Variants in FBLN2 observed in about 807,000 individuals in gnomAD.
The protein encoded by FBLN2 is fibulin-2.
Under a neutral mutation model 123.7 loss-of-function variants are expected in FBLN2, and 81 were observed. That is an observed-to-expected ratio of 0.65 (90% CI 0.55 to 0.79). FBLN2 has a LOEUF of 0.79. Among genes scored for constraint, FBLN2 ranks in the 30% least tolerant of loss-of-function variants. The probability of loss-of-function intolerance (pLI) is 0.00; values close to 1 mark genes in which losing one functional copy is unlikely to be tolerated. For missense variants in FBLN2, 1,603 were observed against 1,681.3 expected (o/e 0.95, Z 0.81); for synonymous variants, 699 against 701.4 (o/e 1.00, Z 0.05).
chr3:13,638,240 C>G lies in FBLN2; in HGVS notation c.*321C>G. 1 of 569,394 alleles carries G rather than the reference C, an allele frequency of 1.8e-6. No individual in the cohort carries two copies. Among genetic ancestry groups the G allele is most frequent in the Non-Finnish European group, 3.2e-6 (1 of 312,126 alleles). The allele number at this position is 569,394 out of a possible 1,614,324, so 35.3% of individuals were successfully genotyped here. A position where few individuals can be genotyped will look rare whatever the true frequency, so the allele number is the denominator to read the frequency against. On this transcript the variant is annotated 3_prime_UTR_variant, in exon 18 of 18. Coordinates refer to ENST00000404922, the MANE Select transcript of FBLN2 (RefSeq NM_001004019.2). The stretch of plus-strand genomic sequence containing the variant: ...GGGGCTCTTGGACTCCTCTGGATGA[C>G]CCGTCCCCAAAGTTGACATTCCATT...
At chr3:13,598,794 T>G (rs1184059628) in intron 2 of FBLN2, among the ~76,000 whole-genome samples, 1 of 152,168 alleles carries the variant, frequency 6.6e-6, no homozygotes, top group Non-Finnish European at 1.5e-5. Context: ...TGGGACAGCC[T>G]GCCACCCGAC....
intron 1 of FBLN2, among the ~76,000 whole-genome samples, chr3:13,556,735 A>T (rs1442464401): frequency 6.6e-6 from 1 of 152,172 alleles, no homozygotes; most frequent in East Asian, 1.9e-4. Context: ...TCAGCACATG[A>T]CACTGTAGCC....
intron 2 of FBLN2, among the ~76,000 whole-genome samples, chr3:13,607,495 T>C (rs1259501489): frequency 6.6e-6 from 1 of 152,146 alleles, no homozygotes; most frequent in African/African-American, 2.4e-5. Flanking sequence ...AAGAAACTGC[T>C]GTGTTGTTCC....
intron 1 of FBLN2, among the ~76,000 whole-genome samples, chr3:13,553,640 A>G (rs950984569): frequency 1.3e-5 from 2 of 152,156 alleles, no homozygotes; most frequent in African/African-American, 4.8e-5. Flanking sequence ...CTCTCCCCTC[A>G]TATATGGAGA....
At chr3:13,579,513 T>C (rs1158404504) in intron 2 of FBLN2, among the ~76,000 whole-genome samples, 1 of 152,246 alleles carries the variant, frequency 6.6e-6, no homozygotes, top group Non-Finnish European at 1.5e-5. Flanking sequence ...AGCATGTAGG[T>C]GCGTGCACGT....
chr3:13,636,430 C>T lies in FBLN2; in HGVS notation c.3215-15C>T, dbSNP rs1464428052. 3.1e-6 allele frequency: 5 copies of T among 1,612,748 alleles called. No homozygotes were observed. The highest frequency in any genetic ancestry group is 4.2e-6 in the Non-Finnish European group (5 of 1,179,348). ...CAGCTGTGGGGACCCTGCCATTGCCCCTCTTCTCCCCCAGACGTGGATGAG... is the reference window on the plus strand; with the variant it reads ...CAGCTGTGGGGACCCTGCCATTGCCTCTCTTCTCCCCCAGACGTGGATGAG... On this transcript the variant is annotated splice_polypyrimidine_tract_variant and intron_variant, in intron 16 of 17. Coordinates refer to ENST00000404922, the MANE Select transcript of FBLN2 (RefSeq NM_001004019.2).
Position 13,627,822 on chromosome 3 carries a change from TCC to T in FBLN2, c.2432-9_2432-8del. 1 of 1,610,852 alleles carries T rather than the reference TCC, an allele frequency of 6.2e-7. No homozygotes were observed. The highest frequency in any genetic ancestry group is 8.5e-7 in the Non-Finnish European group (1 of 1,178,398). The stretch of plus-strand genomic sequence containing the variant: ...CCCCCAGCCCTTGACACCCAGCCTC[TCC>T]GCTGCAGACGTGGATGAGTGTGCGA... On this transcript the variant is annotated splice_polypyrimidine_tract_variant and splice_region_variant and intron_variant, in intron 10 of 17. Transcript: ENST00000404922.
chr3:13,619,061 A>T (rs1017080382), intron 7 of FBLN2, 44 bp downstream of exon 7: 1 of 1,486,734 alleles, frequency 6.7e-7, no homozygotes, highest in Non-Finnish European at 9.2e-7. Flanking sequence ...CCCAGGGTCC[A>T]GGGGGTGGGT....
intron 1 of FBLN2, among the ~76,000 whole-genome samples, chr3:13,555,717 G>A (rs1010023970): frequency 6.6e-6 from 1 of 152,240 alleles, no homozygotes; most frequent in Non-Finnish European, 1.5e-5. Flanking sequence ...GCCTCTCAAA[G>A]TGCTGGGATT....
At chr3:13,611,822 G>T (rs953004539) in intron 4 of FBLN2, among the ~76,000 whole-genome samples, 18 of 152,208 alleles carry the variant, frequency 1.2e-4, no homozygotes, top group African/African-American at 4.3e-4. Context: ...TCATCTCCTG[G>T]CTACATCTAG....
At chr3:13,614,196 T>C in intron 5 of FBLN2, 32 bp downstream of exon 5, 2 of 1,598,806 alleles carry the variant, frequency 1.3e-6, no homozygotes, top group Non-Finnish European at 8.5e-7. Flanking sequence ...CTGCGGCATA[T>C]AGGGCGAAGG....
chr3:13,560,647 G>T (rs1371749684), intron 1 of FBLN2, among the ~76,000 whole-genome samples: 1 of 152,202 alleles, frequency 6.6e-6, no homozygotes, highest in Non-Finnish European at 1.5e-5. Flanking sequence ...GAAGGCAACT[G>T]TAGTTTTCAA....
chr3:13,619,034 G>C lies in FBLN2; in HGVS notation c.2053+17G>C. 1 of 1,585,962 alleles carries C rather than the reference G, an allele frequency of 6.3e-7. No individual in the cohort carries two copies. The highest frequency in any genetic ancestry group is 8.6e-7 in the Non-Finnish European group (1 of 1,162,438). On this transcript the variant is annotated intron_variant, in intron 7 of 17. Transcript: ENST00000404922. ...CCTGCAAAGGTAAGCAGTGTGGGTG[G>C]TGTCTCCAGGACAGGGCCCAGGGTC...
rs1703254479 is a variant in FBLN2, at chr3:13,549,152, T to C, written c.-98T>C. ...ACACAGCCAGGGGCCGCCCGGGCTCTCGACGCGCCGACGGCCGGGCGGACG... is the reference window on the plus strand; with the variant it reads ...ACACAGCCAGGGGCCGCCCGGGCTCCCGACGCGCCGACGGCCGGGCGGACG... On this transcript the variant is annotated 5_prime_UTR_variant, in exon 1 of 18. Coordinates refer to ENST00000404922, the MANE Select transcript of FBLN2 (RefSeq NM_001004019.2). The C allele has an allele frequency of 1.0e-6, 1 of 982,430 alleles. No individual in the cohort carries two copies. Among genetic ancestry groups the C allele is most frequent in the Non-Finnish European group, 1.2e-6 (1 of 828,876 alleles). The allele number at this position is 982,430 out of a possible 1,614,324, so 60.9% of individuals were successfully genotyped here. A position where few individuals can be genotyped will look rare whatever the true frequency, so the allele number is the denominator to read the frequency against.
At chr3:13,618,505 C>G (rs535578551) in intron 6 of FBLN2, among the ~76,000 whole-genome samples, 1 of 152,218 alleles carries the variant, frequency 6.6e-6, no homozygotes, top group African/African-American at 2.4e-5. Context: ...GGCCCCAGCA[C>G]CTTGTCCCAT....
intron 2 of FBLN2, among the ~76,000 whole-genome samples, chr3:13,586,805 G>A (rs1290911761): frequency 3.3e-5 from 5 of 150,048 alleles, no homozygotes; most frequent in African/African-American, 7.4e-5. Flanking sequence ...CACCTCACCC[G>A]GCCTATGTCT....
At chr3:13,616,787 T>G (rs1325650125) in intron 5 of FBLN2, among the ~76,000 whole-genome samples, 1 of 152,160 alleles carries the variant, frequency 6.6e-6, no homozygotes, top group East Asian at 1.9e-4. Flanking sequence ...GGAGCCTTCT[T>G]TTCCACTCTC....
At chr3:13,626,354 C>T (rs1231986882) in intron 9 of FBLN2, 91 bp from the exon 10 acceptor site, 3 of 1,358,534 alleles carry the variant, frequency 2.2e-6, no homozygotes, top group African/African-American at 1.4e-5. Context: ...GCCTGGAGCT[C>T]TCTCCCTCCT....
At chr3:13,593,582 T>C (rs931230774) in intron 2 of FBLN2, among the ~76,000 whole-genome samples, 10 of 151,908 alleles carry the variant, frequency 6.6e-5, no homozygotes, top group African/African-American at 2.4e-4. Flanking sequence ...GGCGTGGTGG[T>C]GTGCCCCTGT....
Sources: allele counts gnomAD v4.1 joint callset (sites outside exome capture counted in the v4.1 genomes callset), GRCh38; gene constraint gnomAD v4.1.1; transcripts MANE v1.5; gene names NCBI Gene and HGNC (gene_info 2026-07-23, HGNC 2026-07-21).